The following RANBP17 variants were observed in gnomAD, a reference collection of about 807,000 sequenced individuals.
RANBP17 encodes the protein ran-binding protein 17.
In RANBP17, 158 loss-of-function variants were observed where a neutral mutation model predicts 141.2. The observed-to-expected ratio is 1.12, with a 90% CI of 0.98 to 1.28. RANBP17 has a LOEUF of 1.28. Among genes scored for constraint, RANBP17 ranks in the 50% most tolerant of loss-of-function variants. The pLI is 0.00. For synonymous variants in RANBP17, 430 were observed against 450.0 expected (o/e 0.96, Z 0.56); for missense variants, 1,438 against 1,290.7 (o/e 1.11, Z -1.75).
chr5:170,954,079 A>G (rs770392294), intron 13 of RANBP17, among the ~76,000 whole-genome samples: 2 of 152,200 alleles, frequency 1.3e-5, no homozygotes, highest in Non-Finnish European at 2.9e-5. Context: ...TTTGTCACCT[A>G]TTGGCCACAG....
At chr5:171,059,593 A>G (rs1177230507) in intron 14 of RANBP17, among the ~76,000 whole-genome samples, 1 of 152,148 alleles carries the variant, frequency 6.6e-6, no homozygotes, top group Non-Finnish European at 1.5e-5. Context: ...GAAGTCAGGT[A>G]GCGTGATGCC....
intron 5 of RANBP17, chr5:170,904,587 A>G (rs1770924981): frequency 6.6e-6 from 1 of 152,202 alleles, no homozygotes; most frequent in Admixed American, 6.6e-5. Context: ...TTTGTCTAAA[A>G]GAGTGATTTC....
At chr5:171,024,909 A>G (rs376875884) in intron 14 of RANBP17, among the ~76,000 whole-genome samples, 4 of 152,040 alleles carry the variant, frequency 2.6e-5, no homozygotes, top group East Asian at 1.9e-4. Context: ...TTTTAAACCT[A>G]TGTCTCCAAC....
At chr5:170,969,846 C>T (rs1397164023) in intron 14 of RANBP17, among the ~76,000 whole-genome samples, 8 of 151,972 alleles carry the variant, frequency 5.3e-5, no homozygotes, top group Non-Finnish European at 1.0e-4. Flanking sequence ...ATGGTATTGA[C>T]TCCTTTATTG....
intron 14 of RANBP17, among the ~76,000 whole-genome samples, chr5:171,083,715 C>G (rs1457086952): frequency 6.6e-6 from 1 of 152,110 alleles, no homozygotes; most frequent in Non-Finnish European, 1.5e-5. Context: ...GTGGGAGGAA[C>G]CCAGTGGGAG....
At chr5:171,039,119 T>G (rs1782075326) in intron 14 of RANBP17, among the ~76,000 whole-genome samples, 1 of 152,282 alleles carries the variant, frequency 6.6e-6, no homozygotes, top group East Asian at 1.9e-4. Context: ...GGTCCAATGG[T>G]AGTTCTGATT....
At chr5:170,967,631 TAATAG>T (rs1341835559) in intron 13 of RANBP17, among the ~76,000 whole-genome samples, 1 of 151,470 alleles carries the variant, frequency 6.6e-6, no homozygotes, top group East Asian at 1.9e-4. Flanking sequence ...TTTTGAATAA[TAATAG>T]AAAAGTTGTG....
chr5:171,226,997 G>C (rs557390314), intron 22 of RANBP17, among the ~76,000 whole-genome samples: 1 of 152,264 alleles, frequency 6.6e-6, no homozygotes, highest in African/African-American at 2.4e-5. Context: ...TGACTGCTCT[G>C]CTTTGGCCAT....
chr5:170,903,063 A>G (rs928580787), intron 5 of RANBP17, among the ~76,000 whole-genome samples: 6 of 152,210 alleles, frequency 3.9e-5, no homozygotes, highest in Non-Finnish European at 7.3e-5. Flanking sequence ...AGAGCTGGCA[A>G]GGAGGAACAT....
intron 22 of RANBP17, among the ~76,000 whole-genome samples, chr5:171,225,173 T>C (rs1329581091): frequency 1.3e-5 from 2 of 152,230 alleles, no homozygotes; most frequent in African/African-American, 2.4e-5. Context: ...TTCATATTCT[T>C]TACTGCCTCT....
At chr5:170,911,391 G>A (rs1271109402) in intron 7 of RANBP17, 4 of 573,512 alleles carry the variant, frequency 7.0e-6, no homozygotes, top group Non-Finnish European at 1.2e-5. Context: ...GATTTGGGAG[G>A]AAAGTCAAGA....
chr5:171,142,347 G>A (rs1757759861), intron 14 of RANBP17, among the ~76,000 whole-genome samples: 1 of 152,114 alleles, frequency 6.6e-6, no homozygotes, highest in African/African-American at 2.4e-5. Flanking sequence ...TATTGTTAGA[G>A]TACAACTATA....
chr5:171,230,895 A>G (rs1297339415), intron 22 of RANBP17, among the ~76,000 whole-genome samples: 1 of 152,070 alleles, frequency 6.6e-6, no homozygotes, highest in Non-Finnish European at 1.5e-5. Flanking sequence ...TATTTGGTGT[A>G]AAGCTAGAAG....
intron 13 of RANBP17, among the ~76,000 whole-genome samples, chr5:170,967,017 A>G (rs1776615689): frequency 6.6e-6 from 1 of 152,194 alleles, no homozygotes; most frequent in Non-Finnish European, 1.5e-5. Context: ...AAGGAGAACT[A>G]CAAACCACTG....
intron 14 of RANBP17, among the ~76,000 whole-genome samples, chr5:171,028,559 T>G (rs1057466051): frequency 1.3e-5 from 2 of 152,184 alleles, no homozygotes; most frequent in African/African-American, 4.8e-5. Context: ...AAAAAATATT[T>G]TAGGACTAAT....
At chr5:171,298,180 C>T (rs150028117) in intron 27 of RANBP17, among the ~76,000 whole-genome samples, 2 of 152,144 alleles carry the variant, frequency 1.3e-5, no homozygotes, top group East Asian at 3.9e-4. Context: ...TTCTGCAATC[C>T]CTTGAGGTAA....
chr5:170,907,697 A>T (rs1252240349), intron 5 of RANBP17, among the ~76,000 whole-genome samples: 1 of 152,050 alleles, frequency 6.6e-6, no homozygotes, highest in Non-Finnish European at 1.5e-5. Context: ...AATGTATCTC[A>T]CAGATTAGTT....
At chr5:171,225,027 C>T (rs144672106) in intron 22 of RANBP17, among the ~76,000 whole-genome samples, 2 of 152,212 alleles carry the variant, frequency 1.3e-5, no homozygotes, top group African/African-American at 4.8e-5. Context: ...TATGGAAAGC[C>T]CTTAGACTAG....
At chr5:171,054,032 A>G (rs562881004) in intron 14 of RANBP17, among the ~76,000 whole-genome samples, 2 of 151,218 alleles carry the variant, frequency 1.3e-5, no homozygotes, top group Non-Finnish European at 2.9e-5. Context: ...TCTACTTAAA[A>G]TCTATGTATT....
Sources: allele counts gnomAD v4.1 joint callset (sites outside exome capture counted in the v4.1 genomes callset), GRCh38; gene constraint gnomAD v4.1.1; transcripts MANE v1.5; gene names NCBI Gene and HGNC (gene_info 2026-07-23, HGNC 2026-07-21).